C6orf132: variants seen among roughly 807,000 people sequenced by gnomAD.
The protein encoded by C6orf132 is uncharacterized protein C6orf132.
C6orf132 carries 43 observed loss-of-function variants against 65.3 expected under a neutral mutation model. The observed-to-expected ratio is 0.66, with a 90% CI of 0.52 to 0.85. The LOEUF (loss-of-function observed/expected upper bound fraction) is 0.85, where lower values mean the gene tolerates loss of function less well. Among genes scored for constraint, C6orf132 ranks in the 40% least tolerant of loss-of-function variants. The pLI is 0.00. For synonymous variants in C6orf132, 631 were observed against 654.1 expected, an observed-to-expected ratio of 0.96 and a Z score of 0.54; for missense variants, 1,488 against 1,548.8, an observed-to-expected ratio of 0.96 and a Z score of 0.66.
In C6orf132 at chr6:42,110,264, C is replaced by T; in HGVS notation, c.280G>A (p.Val94Met). 3.2e-6 allele frequency: 5 copies of T among 1,548,198 alleles called. No homozygotes were observed. Among genetic ancestry groups the T allele is most frequent in the Non-Finnish European group, 4.4e-6 (5 of 1,145,696 alleles). The part of the protein sequence containing the change: ...LNAQENHGLA[V>M]PTPSVPDDFA... ...TCATCTGGAACCGAGGGGGTGGGCA[C>T]AGCCAGCCCATGGTTTTCCTGGGCA... The change falls in exon 3 of 5, where the codon GTG becomes ATG. Residue 94 changes from valine to methionine, a missense_variant. By Grantham distance (21) the Val-to-Met change is conservative (BLOSUM62 1). Coordinates refer to ENST00000341865, the MANE Select transcript of C6orf132 (RefSeq NM_001164446.3).
rs1766387960 is a variant in C6orf132, at chr6:42,105,612, C to T, written c.2300G>A (p.Cys767Tyr). ...KTSPGGGEVP[C>Y]LYKPHCHQSS... ...CTGGTGGCAGTGGGGCTTGTAGAGACATGGCACCTCTCCTCCACCAGGAGA... is the reference window on the plus strand; with the variant it reads ...CTGGTGGCAGTGGGGCTTGTAGAGATATGGCACCTCTCCTCCACCAGGAGA... The change falls in exon 4 of 5, where the codon TGT becomes TAT. Residue 767 changes from cysteine to tyrosine, a missense_variant. Physicochemically the swap from Cys to Tyr is radical, Grantham distance 194. Transcript: ENST00000341865. 3 of 1,537,000 alleles carry T rather than the reference C, an allele frequency of 2.0e-6. No homozygotes were observed. In the East Asian group the frequency reaches 7.3e-5, roughly 38 times the overall value.
intron 2 of C6orf132, among the ~76,000 whole-genome samples, chr6:42,117,689 A>G (rs990455658): frequency 1.2e-4 from 19 of 152,126 alleles, no homozygotes; most frequent in Non-Finnish European, 2.9e-5. Flanking sequence ...TGGGAGCCCA[A>G]GGTAGGTGGA....
chr6:42,112,065 A>G (rs1766504212), intron 2 of C6orf132, among the ~76,000 whole-genome samples: 1 of 152,138 alleles, frequency 6.6e-6, no homozygotes. Flanking sequence ...TTCATCCATG[A>G]TGCTGGGCAT....
intron 1 of C6orf132, among the ~76,000 whole-genome samples, chr6:42,136,966 C>T (rs1232434740): frequency 6.6e-6 from 1 of 152,204 alleles, no homozygotes; most frequent in East Asian, 1.9e-4. Flanking sequence ...GGACTCGCCA[C>T]TCAGTGTGCA....
chr6:42,119,604 C>T (rs887735183), intron 2 of C6orf132, among the ~76,000 whole-genome samples: 1 of 151,834 alleles, frequency 6.6e-6, no homozygotes, highest in East Asian at 2.0e-4. Flanking sequence ...ACCTCGGCCT[C>T]CCAAAGTGCT....
chr6:42,115,168 T>C (rs4425579), intron 2 of C6orf132, among the ~76,000 whole-genome samples: 34,991 of 147,904 alleles, frequency 0.24, 4,483 homozygotes, highest in African/African-American at 0.35. Context: ...CAGGCACCTG[T>C]AATCCCAGCT....
intron 1 of C6orf132, among the ~76,000 whole-genome samples, chr6:42,130,341 T>C (rs9471778): frequency 0.19 from 29,371 of 152,176 alleles, 2,941 homozygotes; most frequent in Middle Eastern, 0.23. Context: ...AAGATCTGAC[T>C]CAATGGGAAA....
chr6:42,141,379 C>G lies in C6orf132; in HGVS notation c.145+921G>C, dbSNP rs575959250. ...TTGGGCCCAGAAGCCCCCTGCCCCCCCAACCTGGGCGTTCCAGAGCCACAT... is the reference window on the plus strand; with the variant it reads ...TTGGGCCCAGAAGCCCCCTGCCCCCGCAACCTGGGCGTTCCAGAGCCACAT... On this transcript the variant is annotated intron_variant, in intron 1 of 4. Transcript: ENST00000341865. Among the ~76,000 whole-genome samples the G allele has an allele frequency of 7.5e-4, 114 of 152,328 alleles. 1 individual carries two copies. Among genetic ancestry groups the G allele is most frequent in the Middle Eastern group, 3.4e-3 (1 of 294 alleles).
intron 2 of C6orf132, among the ~76,000 whole-genome samples, chr6:42,127,371 C>A (rs1460933512): frequency 6.6e-6 from 1 of 152,160 alleles, no homozygotes; most frequent in Non-Finnish European, 1.5e-5. Context: ...GCTCAGCCCT[C>A]CACAGAGAGG....
rs915799324 is a variant in C6orf132 at position 42,105,491 on chromosome 6, T to C, written c.2421A>G (p.Pro807=). The change falls in exon 4 of 5, where the codon CCA becomes CCG. Residue 807 remains proline (P), a synonymous_variant. Coordinates refer to ENST00000341865, the MANE Select transcript of C6orf132 (RefSeq NM_001164446.3). The stretch of plus-strand genomic sequence containing the variant: ...AGGCAGGAGGCTTGGCTGGCAGCCC[T>C]GGGGGCTCCTTCACCTCCACGGGCT... ...PGEPVEVKEP[P]GLPAKPPASA... 2.9e-5 allele frequency: 45 copies of C among 1,533,216 alleles called. No individual in the cohort carries two copies. Among genetic ancestry groups the C allele is most frequent in the Non-Finnish European group, 3.9e-5 (45 of 1,144,888 alleles). The allele number at this position is 1,533,216 out of a possible 1,614,324, so 95.0% of individuals were successfully genotyped here. A position where few individuals can be genotyped will look rare whatever the true frequency, so the allele number is the denominator to read the frequency against.
At chr6:42,120,760 T>C (rs1350536933) in intron 2 of C6orf132, among the ~76,000 whole-genome samples, 3 of 152,074 alleles carry the variant, frequency 2.0e-5, no homozygotes, top group Non-Finnish European at 4.4e-5. Context: ...TACTTAGGAC[T>C]ACAGGTGCAT....
intron 3 of C6orf132, among the ~76,000 whole-genome samples, chr6:42,109,545 G>A (rs1416239924): frequency 1.3e-5 from 2 of 152,150 alleles, no homozygotes; most frequent in Non-Finnish European, 2.9e-5. Flanking sequence ...CCTCGCAGAA[G>A]AGCATTCTAA....
chr6:42,137,340 A>G (rs1396053706), intron 1 of C6orf132, among the ~76,000 whole-genome samples: 1 of 152,168 alleles, frequency 6.6e-6, no homozygotes, highest in Non-Finnish European at 1.5e-5. Context: ...CGGAGGGTGT[A>G]TATGTGTGCA....
intron 2 of C6orf132, 83 bp from the exon 3 acceptor site, chr6:42,110,374 C>T: frequency 8.9e-7 from 1 of 1,119,316 alleles, no homozygotes; most frequent in South Asian, 1.6e-5. Flanking sequence ...GGCCATTTTA[C>T]TGCTTGAAAA....
rs1554181705 is a variant in C6orf132 at position 42,105,439 on chromosome 6, T to G, written c.2473A>C (p.Arg825=). 9 of 1,535,332 alleles carry G rather than the reference T, an allele frequency of 5.9e-6. No homozygotes were observed. The South Asian group carries it at 9.5e-5, about 16-fold the overall frequency. Residue 825 remains arginine, a synonymous_variant, in exon 4 of 5, where the codon AGG becomes CGG. Coordinates refer to ENST00000341865, the MANE Select transcript of C6orf132 (RefSeq NM_001164446.3). ...ASAQPTDELL[R]HPVTGEVVER... The stretch of plus-strand genomic sequence containing the variant: ...ACCACCTCCCCAGTCACCGGGTGCC[T>G]GAGGAGTTCATCAGTGGGCTGGGCC...
chr6:42,107,607 G>C (rs763806007), intron 3 of C6orf132, 24 bp from the exon 4 acceptor site: 1 of 1,550,382 alleles, frequency 6.5e-7, no homozygotes, highest in East Asian at 2.4e-5. Context: ...AGGCAAAGAT[G>C]GGGGGCAGGA....
chr6:42,128,210 C>T (rs1395534670), intron 2 of C6orf132, among the ~76,000 whole-genome samples: 1 of 151,914 alleles, frequency 6.6e-6, no homozygotes, highest in Admixed American at 6.6e-5. Context: ...CAGGCGTGAG[C>T]CACCGCACTG....
intron 1 of C6orf132, among the ~76,000 whole-genome samples, chr6:42,136,681 C>T (rs1022876498): frequency 6.6e-6 from 1 of 152,212 alleles, no homozygotes; most frequent in African/African-American, 2.4e-5. Flanking sequence ...GAGGCCTTTC[C>T]TTGCTAATTA....
At chr6:42,111,913 G>A (rs1178565631) in intron 2 of C6orf132, among the ~76,000 whole-genome samples, 2 of 152,046 alleles carry the variant, frequency 1.3e-5, no homozygotes, top group Admixed American at 1.3e-4. Flanking sequence ...AGCATTTTAG[G>A]GTAGTTTTCA....
Sources: allele counts gnomAD v4.1 joint callset (sites outside exome capture counted in the v4.1 genomes callset), GRCh38; gene constraint gnomAD v4.1.1; transcripts MANE v1.5; gene names NCBI Gene and HGNC (gene_info 2026-07-23, HGNC 2026-07-21).